Variants in GLRA2 observed in about 807,000 individuals in gnomAD.
GLRA2 encodes glycine receptor subunit alpha-2.
In GLRA2, 11 loss-of-function variants were observed where a neutral mutation model predicts 31.6. The observed-to-expected ratio is 0.35, with a 90% CI of 0.22 to 0.58. GLRA2 has a LOEUF of 0.58. Ranked by LOEUF, GLRA2 falls within the 20% of genes least tolerant of loss-of-function variation. The probability of loss-of-function intolerance (pLI) is 0.84; values close to 1 mark genes in which losing one functional copy is unlikely to be tolerated. For synonymous variants in GLRA2, 132 were observed against 134.0 expected (o/e 0.99, Z 0.10); for missense variants, 212 against 351.8 (o/e 0.60, Z 3.18).
At chrX:14,670,231 A>C (rs1437154162) in intron 7 of GLRA2, among the ~76,000 whole-genome samples, 3 of 111,692 alleles carry the variant, frequency 2.7e-5, no homozygotes, top group Non-Finnish European at 5.6e-5. Flanking sequence ...TCATATCACT[A>C]TCGGCATTTT....
At chrX:14,590,981 T>A (rs921463374) in intron 4 of GLRA2, among the ~76,000 whole-genome samples, 4 of 111,431 alleles carry the variant, frequency 3.6e-5, no homozygotes, top group African/African-American at 1.3e-4. Context: ...GGGGCTGTTT[T>A]TGGAGAGGGG....
intron 7 of GLRA2, among the ~76,000 whole-genome samples, chrX:14,635,834 T>G (rs2090704365): frequency 9.0e-6 from 1 of 111,450 alleles, no homozygotes; most frequent in African/African-American, 3.3e-5. Flanking sequence ...GGGTACTGTA[T>G]ATTTCCTATC....
chrX:14,680,677 A>T, intron 7 of GLRA2, among the ~76,000 whole-genome samples: 1 of 112,203 alleles, frequency 8.9e-6, no homozygotes, highest in East Asian at 2.8e-4. Context: ...ACACCCTCTA[A>T]ATCCATGTGA....
At chrX:14,594,949 A>G (rs913174063) in intron 4 of GLRA2, among the ~76,000 whole-genome samples, 18 of 109,821 alleles carry the variant, frequency 1.6e-4, no homozygotes, top group Non-Finnish European at 2.7e-4. Context: ...GGAAAAAAAA[A>G]AAAAAAAAAA....
chrX:14,465,278 G>C, the GLRA2 span, among the ~76,000 whole-genome samples: 1 of 111,878 alleles, frequency 8.9e-6, no homozygotes, highest in Non-Finnish European at 1.9e-5. Context: ...GAGCAATGCT[G>C]CTGATTTTTG....
At chrX:14,483,862 A>C in the GLRA2 span, among the ~76,000 whole-genome samples, 1 of 111,401 alleles carries the variant, frequency 9.0e-6, no homozygotes, top group Non-Finnish European at 1.9e-5. Flanking sequence ...GGTGAGCACT[A>C]TCTAATCAAC....
the GLRA2 span, among the ~76,000 whole-genome samples, chrX:14,504,424 T>G: frequency 9.0e-6 from 1 of 111,552 alleles, no homozygotes; most frequent in South Asian, 3.8e-4. Context: ...TTGTTTTTGT[T>G]TTTGTTTTTG....
chrX:14,581,263 G>A lies in GLRA2; in HGVS notation c.351G>A (p.Leu117=), dbSNP rs2090013142. The A allele has an allele frequency of 1.7e-6, 2 of 1,188,236 alleles. No homozygotes were observed. The highest frequency in any genetic ancestry group is 5.9e-5 in the East Asian group (2 of 33,763). ...LAYSEYPDDS[L]DLDPSMLDSI... is the part of the protein sequence containing the mutation. Reference sequence around the variant, plus strand: ...ACAGTGAGTACCCAGATGACTCCCTGGACTTGGACCCATCCATGCTAGACT... The same window carrying A: ...ACAGTGAGTACCCAGATGACTCCCTAGACTTGGACCCATCCATGCTAGACT... The change falls in exon 4 of 9, where the codon CTG becomes CTA. Residue 117 remains leucine (L), a synonymous_variant. Transcript: ENST00000218075.
chrX:14,465,934 A>C, the GLRA2 span, among the ~76,000 whole-genome samples: 1 of 112,082 alleles, frequency 8.9e-6, no homozygotes. Context: ...TAACCAACCC[A>C]TGAACACTTC....
chrX:14,581,452 T>A, intron 4 of GLRA2, 46 bp downstream of exon 4: 1 of 711,506 alleles, frequency 1.4e-6, no homozygotes, highest in Non-Finnish European at 2.3e-6. Context: ...ATTTCTCCAC[T>A]AATGTAGAGC....
chrX:14,720,403 C>T (rs1249525083), intron 8 of GLRA2, among the ~76,000 whole-genome samples: 1 of 111,703 alleles, frequency 9.0e-6, no homozygotes, highest in African/African-American at 3.3e-5. Flanking sequence ...TCAGGTTAAG[C>T]ATTTTGGATA....
intron 7 of GLRA2, among the ~76,000 whole-genome samples, chrX:14,664,837 A>G (rs993347368): frequency 2.7e-5 from 3 of 111,609 alleles, no homozygotes; most frequent in African/African-American, 9.8e-5. Flanking sequence ...AGGGAAGGAG[A>G]CACTGGGAAG....
intron 3 of GLRA2, among the ~76,000 whole-genome samples, chrX:14,575,266 T>C (rs2089940644): frequency 9.3e-6 from 1 of 108,036 alleles, no homozygotes; most frequent in African/African-American, 3.4e-5. Context: ...AGTGGCACGA[T>C]CTCGGCTTAC....
At chrX:14,465,784 A>G in the GLRA2 span, among the ~76,000 whole-genome samples, 2 of 111,936 alleles carry the variant, frequency 1.8e-5, no homozygotes, top group Non-Finnish European at 3.8e-5. Context: ...CAAATTCTTT[A>G]TCTTGTCTTG....
chrX:14,512,377 C>T, the GLRA2 span, among the ~76,000 whole-genome samples: 1 of 111,497 alleles, frequency 9.0e-6, no homozygotes, highest in Non-Finnish European at 1.9e-5. Flanking sequence ...AAGATGCCCA[C>T]TTTCACCACT....
At chrX:14,554,425 T>C (rs991993501) in intron 2 of GLRA2, among the ~76,000 whole-genome samples, 1 of 111,458 alleles carries the variant, frequency 9.0e-6, no homozygotes, top group Non-Finnish European at 1.9e-5. Flanking sequence ...TAGGTACTAT[T>C]CGTTGGCAGA....
intron 4 of GLRA2, among the ~76,000 whole-genome samples, chrX:14,600,060 A>C (rs979428390): frequency 3.6e-5 from 4 of 111,204 alleles, no homozygotes; most frequent in South Asian, 3.8e-4. Context: ...AGAAAAAAAA[A>C]CCCACTGAGT....
intron 7 of GLRA2, among the ~76,000 whole-genome samples, chrX:14,625,745 GCTC>G (rs979830477): frequency 8.9e-6 from 1 of 111,738 alleles, no homozygotes; most frequent in Non-Finnish European, 1.9e-5. Context: ...TTTTAAAGCT[GCTC>G]AAGTGATTCT....
the GLRA2 span, among the ~76,000 whole-genome samples, chrX:14,495,987 G>A: frequency 5.4e-5 from 6 of 111,427 alleles, no homozygotes; most frequent in Non-Finnish European, 1.1e-4. Context: ...GAAAAAAATT[G>A]TTCTAAGACA....
Sources: gnomAD v4.1 joint callset for allele counts (sites outside exome capture counted in the v4.1 genomes callset) on GRCh38, gnomAD v4.1.1 for gene constraint, MANE v1.5 for transcripts, NCBI Gene and HGNC (gene_info 2026-07-23, HGNC 2026-07-21) for gene names.